Variants in CCDC201 observed in about 807,000 individuals in gnomAD.
CCDC201 encodes coiled-coil domain-containing protein 201.
chr7:45,869,164 C>G (rs1167210219), intron 1 of CCDC201, among the ~76,000 whole-genome samples: 1 of 152,150 alleles, frequency 6.6e-6, no homozygotes, highest in Admixed American at 6.6e-5. Context: ...TCACTTCCCA[C>G]CAAGGCCTTA....
At chr7:45,867,858 T>C (rs536363413) in intron 1 of CCDC201, among the ~76,000 whole-genome samples, 2 of 152,350 alleles carry the variant, frequency 1.3e-5, no homozygotes, top group East Asian at 3.9e-4. Context: ...GAGGCACAGC[T>C]AGAAACCATT....
the CCDC201 span, among the ~76,000 whole-genome samples, chr7:45,880,790 G>A: frequency 4.6e-5 from 7 of 152,234 alleles, no homozygotes; most frequent in Admixed American, 1.3e-4. Context: ...TGCAGCAAGG[G>A]CCTGGGGACC....
chr7:45,881,260 C>G, the CCDC201 span, among the ~76,000 whole-genome samples: 1 of 152,244 alleles, frequency 6.6e-6, no homozygotes, highest in South Asian at 2.1e-4. Context: ...TTTCCCTCCA[C>G]CACCCAGGCC....
chr7:45,877,949 T>A (rs1786833919), upstream of CCDC201, among the ~76,000 whole-genome samples: 1 of 152,150 alleles, frequency 6.6e-6, no homozygotes, highest in South Asian at 2.1e-4. Flanking sequence ...AAAACCAAAA[T>A]AAGTTAATTA....
upstream of CCDC201, among the ~76,000 whole-genome samples, chr7:45,875,378 C>T (rs112296279): frequency 3.2e-3 from 490 of 151,156 alleles, 5 homozygotes; most frequent in African/African-American, 0.011. Flanking sequence ...ACTTGTAGTC[C>T]CAGCTACTTG....
upstream of CCDC201, among the ~76,000 whole-genome samples, chr7:45,875,966 A>G (rs1209839676): frequency 6.6e-6 from 1 of 152,270 alleles, no homozygotes; most frequent in Non-Finnish European, 1.5e-5. Context: ...AGTGGCCTGC[A>G]GAGATGACCA....
upstream of CCDC201, among the ~76,000 whole-genome samples, chr7:45,875,484 T>C (rs1786791057): frequency 6.7e-6 from 1 of 149,980 alleles, no homozygotes; most frequent in Non-Finnish European, 1.5e-5. Context: ...CAGGCACATA[T>C]GTACACACAT....
At chr7:45,877,367 C>T (rs1355047702), upstream of CCDC201, among the ~76,000 whole-genome samples, 1 of 152,164 alleles carries the variant, frequency 6.6e-6, no homozygotes, top group Non-Finnish European at 1.5e-5. Context: ...AATAAGTGGT[C>T]AGTACTCTTT....
At chr7:45,881,566 G>C in the CCDC201 span, among the ~76,000 whole-genome samples, 1 of 152,158 alleles carries the variant, frequency 6.6e-6, no homozygotes, top group African/African-American at 2.4e-5. Flanking sequence ...AGTGACCGTG[G>C]TCTAACCCAC....
At chr7:45,882,770 C>A in the CCDC201 span, among the ~76,000 whole-genome samples, 2 of 152,176 alleles carry the variant, frequency 1.3e-5, no homozygotes, top group African/African-American at 2.4e-5. Context: ...ATTTGCAATG[C>A]GGCAGGAGGT....
chr7:45,872,458 G>A (rs1230936002), intron 1 of CCDC201, among the ~76,000 whole-genome samples: 1 of 152,150 alleles, frequency 6.6e-6, no homozygotes, highest in Non-Finnish European at 1.5e-5. Context: ...TGGGGCTGCT[G>A]GTCCCCTTGG....
At chr7:45,884,942 G>A in the CCDC201 span, among the ~76,000 whole-genome samples, 15,215 of 152,076 alleles carry the variant, frequency 0.1, 939 homozygotes, top group East Asian at 0.2. Context: ...CCACTCCACT[G>A]CGGTCACTGT....
chr7:45,878,130 G>A, the CCDC201 span, among the ~76,000 whole-genome samples: 1 of 152,214 alleles, frequency 6.6e-6, no homozygotes, highest in Non-Finnish European at 1.5e-5. Context: ...TGATGCAAGG[G>A]GTGTTCTCCC....
chr7:45,873,920 C>CT (rs201948561), upstream of CCDC201, among the ~76,000 whole-genome samples: 15,490 of 121,098 alleles, frequency 0.13, 1,189 homozygotes, highest in East Asian at 0.18. Flanking sequence ...CATTTACTTA[C>CT]TTTTTTTTTT....
chr7:45,880,795 G>A, the CCDC201 span, among the ~76,000 whole-genome samples: 1 of 152,206 alleles, frequency 6.6e-6, no homozygotes, highest in South Asian at 2.1e-4. Flanking sequence ...CAAGGGCCTG[G>A]GGACCTGAGG....
chr7:45,882,486 T>C, the CCDC201 span, among the ~76,000 whole-genome samples: 1 of 152,238 alleles, frequency 6.6e-6, no homozygotes, highest in East Asian at 1.9e-4. Context: ...GCTGTTCTGC[T>C]GTTGATACTT....
the CCDC201 span, among the ~76,000 whole-genome samples, chr7:45,882,642 G>A: frequency 6.6e-6 from 1 of 152,194 alleles, no homozygotes; most frequent in South Asian, 2.1e-4. Flanking sequence ...GGCAGAGGCC[G>A]TGTGTGGCCC....
At chr7:45,882,889 C>A in the CCDC201 span, among the ~76,000 whole-genome samples, 1 of 152,214 alleles carries the variant, frequency 6.6e-6, no homozygotes, top group African/African-American at 2.4e-5. Flanking sequence ...TTCATCCCTG[C>A]CTCCCAAAAT....
intron 2 of CCDC201, among the ~76,000 whole-genome samples, chr7:45,865,391 A>G (rs1786657430): frequency 6.6e-6 from 1 of 152,206 alleles, no homozygotes; most frequent in African/African-American, 2.4e-5. Context: ...AAACCTGGCT[A>G]TGGTGAAGGT....
Sources: gnomAD v4.1 joint callset for allele counts (sites outside exome capture counted in the v4.1 genomes callset) on GRCh38, gnomAD v4.1.1 for gene constraint, MANE v1.5 for transcripts, NCBI Gene and HGNC (gene_info 2026-07-23, HGNC 2026-07-21) for gene names.